The following FHIT variants were observed in gnomAD, a reference collection of about 807,000 sequenced individuals.
FHIT encodes the protein fragile histidine triad diadenosine triphosphatase, also known as bis(5'-adenosyl)-triphosphatase.
A neutral mutation model predicts 17.9 loss-of-function variants in FHIT; 19 were observed. That is an observed-to-expected ratio of 1.06 (90% CI 0.74 to 1.56). The LOEUF (loss-of-function observed/expected upper bound fraction) is 1.56, where lower values mean the gene tolerates loss of function less well. Ranked by LOEUF, FHIT falls within the 40% of genes most tolerant of loss-of-function variation. The pLI, the probability that FHIT is intolerant of heterozygous loss-of-function variation, is 0.00. For missense variants in FHIT, 248 were observed against 189.2 expected, an observed-to-expected ratio of 1.31 and a Z score of -1.82; for synonymous variants, 81 against 69.7, an observed-to-expected ratio of 1.16 and a Z score of -0.81.
In FHIT at chr3:61,077,486, A is replaced by C. The variant is rs1409068181; in HGVS notation, c.-163-35387T>G. Among the ~76,000 whole-genome samples, 10 of 148,696 alleles carry C rather than the reference A, an allele frequency of 6.7e-5. No homozygotes were observed. The East Asian group carries it at 1.9e-3, about 29-fold the overall frequency. On this transcript the variant is annotated intron_variant, in intron 2 of 9. Transcript: ENST00000492590. ...AAAAAAAACAAACAAACAAACAAACAAAAAAAAACAGCCATGCCAGTAGAA... is the reference window on the plus strand; with the variant it reads ...AAAAAAAACAAACAAACAAACAAACCAAAAAAAACAGCCATGCCAGTAGAA...
chr3:61,017,359 G>C (rs755988560), intron 3 of FHIT, among the ~76,000 whole-genome samples: 7 of 152,200 alleles, frequency 4.6e-5, no homozygotes, highest in Non-Finnish European at 8.8e-5. Flanking sequence ...TATTTTGAAT[G>C]TTAGTGCTCA....
chr3:61,051,255 G>C (rs938316856), intron 2 of FHIT, among the ~76,000 whole-genome samples: 2 of 150,192 alleles, frequency 1.3e-5, no homozygotes, highest in Non-Finnish European at 3.0e-5. Flanking sequence ...ATCTCTGTTT[G>C]TTTGTTTGTT....
intron 5 of FHIT, among the ~76,000 whole-genome samples, chr3:60,096,911 T>C (rs574073491): frequency 1.3e-4 from 19 of 151,266 alleles, no homozygotes; most frequent in African/African-American, 4.6e-4. Flanking sequence ...CCAGGCACAG[T>C]GGCTTGTGCC....
chr3:60,427,026 T>C (rs116130192), intron 5 of FHIT, among the ~76,000 whole-genome samples: 6 of 152,222 alleles, frequency 3.9e-5, no homozygotes, highest in Non-Finnish European at 5.9e-5. Context: ...CCAAAATCAA[T>C]TGACTTTGAG....
Position 60,295,509 on chromosome 3 carries a change from A to G in FHIT, c.103+241351T>C, listed in dbSNP as rs544099618. Among the ~76,000 whole-genome samples the G allele has an allele frequency of 1.5e-4, 23 of 152,170 alleles. No homozygotes were observed. The South Asian group carries it at 4.8e-3, about 32-fold the overall frequency. On this transcript the variant is annotated intron_variant, in intron 5 of 9. Transcript: ENST00000492590. The stretch of plus-strand genomic sequence containing the variant: ...GGTAGTTTTTGAGCAACCAGCTCTC[A>G]GGGAAATGCTCCAGGAACTAAGAGT...
chr3:60,087,950 T>A (rs6793429), intron 5 of FHIT, among the ~76,000 whole-genome samples: 9,468 of 152,244 alleles, frequency 0.062, 533 homozygotes, highest in African/African-American at 0.14. Flanking sequence ...ACTGAGGCTG[T>A]GTAATTTATA....
intron 4 of FHIT, among the ~76,000 whole-genome samples, chr3:60,806,791 G>A (rs1404728538): frequency 6.6e-6 from 1 of 152,192 alleles, no homozygotes; most frequent in Non-Finnish European, 1.5e-5. Context: ...AAAGTTTGCT[G>A]TAATTCACAT....
intron 3 of FHIT, among the ~76,000 whole-genome samples, chr3:60,963,270 G>A (rs1009478928): frequency 6.6e-6 from 1 of 152,136 alleles, no homozygotes; most frequent in Non-Finnish European, 1.5e-5. Context: ...GGGATCAGTG[G>A]TGATATCCCC....
chr3:60,507,356 G>T (rs776685336), intron 5 of FHIT, among the ~76,000 whole-genome samples: 2 of 152,182 alleles, frequency 1.3e-5, no homozygotes, highest in Non-Finnish European at 2.9e-5. Flanking sequence ...GGGAGGCCTG[G>T]CATGTGGTGA....
chr3:60,443,665 T>C (rs2031095281), intron 5 of FHIT, among the ~76,000 whole-genome samples: 1 of 152,138 alleles, frequency 6.6e-6, no homozygotes, highest in Admixed American at 6.6e-5. Flanking sequence ...TGCTGCTGGA[T>C]TCAGTTTGCC....
intron 2 of FHIT, among the ~76,000 whole-genome samples, chr3:61,089,745 A>G (rs990047080): frequency 3.9e-5 from 6 of 152,184 alleles, no homozygotes; most frequent in Non-Finnish European, 7.4e-5. Flanking sequence ...GTTTTATTCT[A>G]TTCAGCCCCA....
At position 59,770,207 on chromosome 3, in the gene FHIT, A is replaced by G. The variant is rs148754323; in HGVS notation, c.349-17886T>C. On this transcript the variant is annotated intron_variant, in intron 8 of 9. Coordinates refer to ENST00000492590, the MANE Select transcript of FHIT (RefSeq NM_002012.4). ...TGCAAAAAGCTCTTTTTTGTGGACT[A>G]TCTCATCGAATCGTCCTAACAACCC... Among the ~76,000 whole-genome samples, 328 of 152,336 alleles carry G rather than the reference A, an allele frequency of 2.2e-3. 4 individuals are homozygous for G. Among genetic ancestry groups the G allele is most frequent in the African/African-American group, 7.5e-3 (313 of 41,578 alleles).
At chr3:60,120,067 A>G (rs1185920423) in intron 5 of FHIT, among the ~76,000 whole-genome samples, 1 of 152,178 alleles carries the variant, frequency 6.6e-6, no homozygotes, top group Non-Finnish European at 1.5e-5. Context: ...CTAATAGTTT[A>G]AACTTTCAAG....
chr3:60,173,059 C>T (rs1332784370), intron 5 of FHIT, among the ~76,000 whole-genome samples: 1 of 152,094 alleles, frequency 6.6e-6, no homozygotes, highest in Non-Finnish European at 1.5e-5. Context: ...AATTATAAAT[C>T]ATGATTACAG....
Position 60,048,573 on chromosome 3 carries a change from G to A in FHIT, c.104-34421C>T, listed in dbSNP as rs546192022. ...TGTGAATTTTTGGGGAAACCACAAC[G>A]CACCCCATAACAGCAGGTGTGTTAA... On this transcript the variant is annotated intron_variant, in intron 5 of 9. Coordinates refer to ENST00000492590, the MANE Select transcript of FHIT (RefSeq NM_002012.4). 5.3e-5 allele frequency among the ~76,000 whole-genome samples: 8 copies of A among 152,262 alleles called. No homozygotes were observed. In the South Asian group the frequency reaches 1.2e-3, roughly 24 times the overall value.
intron 4 of FHIT, among the ~76,000 whole-genome samples, chr3:60,594,212 C>T (rs956052310): frequency 6.6e-6 from 1 of 152,096 alleles, no homozygotes; most frequent in Non-Finnish European, 1.5e-5. Flanking sequence ...TGGAATCGCA[C>T]GGAGCTCTGT....
chr3:60,386,517 G>C lies in FHIT; in HGVS notation c.103+150343C>G, dbSNP rs1450876085. Among the ~76,000 whole-genome samples the C allele has an allele frequency of 2.6e-5, 4 of 152,080 alleles. No homozygotes were observed. In the East Asian group the frequency reaches 7.7e-4, roughly 29 times the overall value. ...TGTCATTGTTTCAATAGAAACCGCTGACTACCCTGACTGCTCTCATATATA... is the reference window on the plus strand; with the variant it reads ...TGTCATTGTTTCAATAGAAACCGCTCACTACCCTGACTGCTCTCATATATA... On this transcript the variant is annotated intron_variant, in intron 5 of 9. Coordinates refer to ENST00000492590, the MANE Select transcript of FHIT (RefSeq NM_002012.4).
At chr3:60,278,833 AC>A (rs1707295078) in intron 5 of FHIT, among the ~76,000 whole-genome samples, 1 of 152,184 alleles carries the variant, frequency 6.6e-6, no homozygotes, top group Admixed American at 6.5e-5. Context: ...ACTATTTTAA[AC>A]TAAATAAAAA....
In FHIT at chr3:60,331,517, T is replaced by C. The variant is rs2106855049; in HGVS notation, c.103+205343A>G. Among the ~76,000 whole-genome samples the C allele has an allele frequency of 1.3e-5, 2 of 152,282 alleles. 1 individual carries two copies. Among genetic ancestry groups the C allele is most frequent in the South Asian group, 4.1e-4 (2 of 4,824 alleles). The stretch of plus-strand genomic sequence containing the variant: ...CATGCCTGCCCTAGGTTGGGAAGAC[T>C]TGGTAGCTTCTTTGTCACTCCAATT... On this transcript the variant is annotated intron_variant, in intron 5 of 9. Coordinates refer to ENST00000492590, the MANE Select transcript of FHIT (RefSeq NM_002012.4).
Sources: allele counts gnomAD v4.1 joint callset (sites outside exome capture counted in the v4.1 genomes callset), GRCh38; gene constraint gnomAD v4.1.1; transcripts MANE v1.5; gene names NCBI Gene and HGNC (gene_info 2026-07-23, HGNC 2026-07-21).